CHEK2: variants seen among roughly 807,000 people sequenced by gnomAD.
The protein encoded by CHEK2 is checkpoint kinase 2.
A neutral mutation model predicts 69.1 loss-of-function variants in CHEK2; 71 were observed. The observed-to-expected ratio is 1.03, with a 90% CI of 0.85 to 1.25. The LOEUF (loss-of-function observed/expected upper bound fraction) is 1.25. Among genes scored for constraint, CHEK2 ranks in the 50% most tolerant of loss-of-function variants. CHEK2 has a pLI of 0.00. For missense variants in CHEK2, 664 were observed against 649.6 expected, an observed-to-expected ratio of 1.02 and a Z score of -0.24; for synonymous variants, 189 against 226.9, an observed-to-expected ratio of 0.83 and a Z score of 1.50.
Position 28,725,283 on chromosome 22 carries a change from TTA to T in CHEK2, c.402_403del (p.Asp134GlufsTer19). The stretch of plus-strand genomic sequence containing the variant: ...GTGTTTCTTGCTGTATGTTCGGTAT[TTA>T]TCTGTTCTTTTCAGCAGTGGTTCAT... On this transcript the variant is annotated frameshift_variant, in exon 3 of 15. Coordinates refer to ENST00000404276, the MANE Select transcript of CHEK2 (RefSeq NM_007194.4). LOFTEE classifies it high-confidence loss of function. The T allele has an allele frequency of 1.9e-6, 3 of 1,614,118 alleles. No homozygotes were observed. Among genetic ancestry groups the T allele is most frequent in the Non-Finnish European group, 2.5e-6 (3 of 1,180,000 alleles).
chr22:28,707,384 C>T (rs974335169), intron 7 of CHEK2, among the ~76,000 whole-genome samples: 7 of 152,138 alleles, frequency 4.6e-5, no homozygotes, highest in Middle Eastern at 3.2e-3. Context: ...AACGGGGGCT[C>T]CAATAAATAA....
At chr22:28,707,039 C>T (rs2053180322) in intron 7 of CHEK2, among the ~76,000 whole-genome samples, 1 of 152,132 alleles carries the variant, frequency 6.6e-6, no homozygotes, top group African/African-American at 2.4e-5. Flanking sequence ...AGTGCCAGTA[C>T]CTATCTGAAA....
chr22:28,698,217 C>T (rs1167254301), intron 9 of CHEK2, among the ~76,000 whole-genome samples: 2 of 60,482 alleles, frequency 3.3e-5, no homozygotes, highest in Non-Finnish European at 9.7e-5. Flanking sequence ...ATGGTGAAAC[C>T]CTATCTTTAC....
intron 7 of CHEK2, among the ~76,000 whole-genome samples, chr22:28,706,764 C>T (rs2053164120): frequency 1.3e-5 from 2 of 151,990 alleles, no homozygotes; most frequent in South Asian, 4.1e-4. Flanking sequence ...ACTAAAAATA[C>T]AAAAATTAGC....
At chr22:28,696,419 G>A (rs1003018237) in intron 10 of CHEK2, among the ~76,000 whole-genome samples, 1 of 152,212 alleles carries the variant, frequency 6.6e-6, no homozygotes, top group Non-Finnish European at 1.5e-5. Flanking sequence ...TTTTGCACAG[G>A]CTGGAGTGCA....
intron 13 of CHEK2, among the ~76,000 whole-genome samples, chr22:28,693,769 G>T (rs1222188477): frequency 6.6e-6 from 1 of 152,120 alleles, no homozygotes; most frequent in Non-Finnish European, 1.5e-5. Context: ...TGAGGCAGGA[G>T]AATCACTTGA....
intron 1 of CHEK2, among the ~76,000 whole-genome samples, chr22:28,740,523 T>C (rs1256972237): frequency 6.6e-6 from 1 of 152,234 alleles, no homozygotes; most frequent in African/African-American, 2.4e-5. Context: ...AATGTTACTT[T>C]AATGTAAGAT....
At chr22:28,729,896 G>A (rs1248635036) in intron 2 of CHEK2, among the ~76,000 whole-genome samples, 3 of 152,002 alleles carry the variant, frequency 2.0e-5, no homozygotes, top group South Asian at 4.1e-4. Flanking sequence ...ATTATAGGGT[G>A]AAAGAGTCAG....
At position 28,741,148 on chromosome 22, in the gene CHEK2, C is replaced by CAA. The variant is rs71194792; in HGVS notation, c.-7+619_-7+620dup. Among the ~76,000 whole-genome samples the CAA allele has an allele frequency of 8.4e-3, 427 of 50,740 alleles. 12 individuals carry two copies. Among genetic ancestry groups the CAA allele is most frequent in the African/African-American group, 0.023 (332 of 14,460 alleles). 33.3% of individuals were successfully genotyped at this position (50,740 alleles called of 152,430 possible). The stretch of plus-strand genomic sequence containing the variant: ...CTGGCAACAGAGAGAGACTCCGTCT[C>CAA]AAAAAAAAAAAAAAAAAAAAAAAAG... On this transcript the variant is annotated intron_variant, in intron 1 of 14. Transcript: ENST00000404276.
intron 2 of CHEK2, among the ~76,000 whole-genome samples, chr22:28,733,761 A>G (rs2054284571): frequency 6.6e-6 from 1 of 152,016 alleles, no homozygotes; most frequent in Non-Finnish European, 1.5e-5. Flanking sequence ...TCTACTAAAA[A>G]TACAAAAATT....
At chr22:28,693,743 CA>C (rs916453548) in intron 13 of CHEK2, among the ~76,000 whole-genome samples, 11 of 152,124 alleles carry the variant, frequency 7.2e-5, no homozygotes, top group Admixed American at 5.2e-4. Flanking sequence ...CCTGTAATCC[CA>C]GCTACTTGGG....
intron 13 of CHEK2, 122 bp from the exon 14 acceptor site, chr22:28,689,337 T>C (rs1002573308): frequency 2.6e-5 from 20 of 782,908 alleles, no homozygotes; most frequent in Non-Finnish European, 4.0e-5. Flanking sequence ...ATCATCCCCT[T>C]GATGAAGCTC....
At position 28,699,362 on chromosome 22, in the gene CHEK2, CTTTTTTTTTTTTTTT is replaced by C. The variant is rs67508991; in HGVS notation, c.1008+461_1008+475del. Among the ~76,000 whole-genome samples, 13 of 78,042 alleles carry C rather than the reference CTTTTTTTTTTTTTTT, an allele frequency of 1.7e-4. No individual in the cohort carries two copies. In the Admixed American group the frequency reaches 2.4e-3, roughly 14 times the overall value. 51.2% of individuals were successfully genotyped at this position (78,042 alleles called of 152,430 possible). On this transcript the variant is annotated intron_variant, in intron 9 of 14. Coordinates refer to ENST00000404276, the MANE Select transcript of CHEK2 (RefSeq NM_007194.4). ...TTAAGCTACACAGTGAGAGCTTTTT[CTTTTTTTTTTTTTTT>C]TTTTTTTGAGATGGAGTCTCACTCT...
chr22:28,705,352 C>T (rs2053077398), intron 7 of CHEK2, among the ~76,000 whole-genome samples: 1 of 151,750 alleles, frequency 6.6e-6, no homozygotes, highest in Non-Finnish European at 1.5e-5. Flanking sequence ...GTTGGGATTA[C>T]AGGTGTGAGC....
intron 7 of CHEK2, among the ~76,000 whole-genome samples, chr22:28,709,689 T>C (rs889400734): frequency 1.3e-5 from 2 of 152,148 alleles, no homozygotes; most frequent in Non-Finnish European, 2.9e-5. Flanking sequence ...CGATCTTGGC[T>C]CACTGCAATC....
At chr22:28,740,110 C>T (rs546962174) in intron 1 of CHEK2, among the ~76,000 whole-genome samples, 102 of 151,930 alleles carry the variant, frequency 6.7e-4, no homozygotes, top group African/African-American at 2.4e-3. Context: ...CTGAGGCAGG[C>T]GAATCGCTTG....
intron 4 of CHEK2, among the ~76,000 whole-genome samples, chr22:28,722,555 A>G (rs566660275): frequency 5.5e-3 from 806 of 146,598 alleles, no homozygotes; most frequent in Non-Finnish European, 8.3e-3. Flanking sequence ...AAAAAAAAAA[A>G]AAAAGAAAAG....
At chr22:28,719,519 A>G (rs1409863266) in intron 4 of CHEK2, 34 bp from the exon 5 acceptor site, 1 of 1,275,936 alleles carries the variant, frequency 7.8e-7, no homozygotes, top group South Asian at 1.3e-5. Context: ...GGGTTTCATT[A>G]ATTTATTCAC....
chr22:28,714,491 T>C (rs2053520139), intron 5 of CHEK2, among the ~76,000 whole-genome samples: 1 of 152,156 alleles, frequency 6.6e-6, no homozygotes, highest in Non-Finnish European at 1.5e-5. Context: ...AGGTTGTTTG[T>C]TTTTTTATTG....
Sources: gnomAD v4.1 joint callset for allele counts (sites outside exome capture counted in the v4.1 genomes callset) on GRCh38, gnomAD v4.1.1 for gene constraint, MANE v1.5 for transcripts, NCBI Gene and HGNC (gene_info 2026-07-23, HGNC 2026-07-21) for gene names.